Variants in ZNRF1 observed in about 807,000 individuals in gnomAD.
ZNRF1 encodes zinc and ring finger 1.
A neutral mutation model predicts 18.4 loss-of-function variants in ZNRF1; 3 were observed. The observed-to-expected ratio is 0.16, with a 90% CI of 0.07 to 0.42. The LOEUF is 0.42. Ranked by LOEUF, ZNRF1 falls within the 10% of genes least tolerant of loss-of-function variation. ZNRF1 has a pLI of 0.99. For synonymous variants in ZNRF1, 157 were observed against 144.2 expected (o/e 1.09, Z -0.64); for missense variants, 310 against 329.8 (o/e 0.94, Z 0.47).
intron 1 of ZNRF1, among the ~76,000 whole-genome samples, chr16:75,040,773 A>AT (rs1262290758): frequency 6.6e-6 from 1 of 151,178 alleles, no homozygotes; most frequent in Non-Finnish European, 1.5e-5. Flanking sequence ...TGCCCAGCTA[A>AT]TTTTTTGTAT....
chr16:75,015,560 A>G, intron 1 of ZNRF1, among the ~76,000 whole-genome samples: 1 of 152,096 alleles, frequency 6.6e-6, no homozygotes. Flanking sequence ...GGGCAACAAG[A>G]GTGAAATTCT....
chr16:75,036,782 T>C (rs1043946177), intron 1 of ZNRF1, among the ~76,000 whole-genome samples: 11 of 152,244 alleles, frequency 7.2e-5, no homozygotes, highest in Non-Finnish European at 1.6e-4. Context: ...GGTATATGTT[T>C]GTATGTATGT....
intron 1 of ZNRF1, 24 bp downstream of exon 1, chr16:75,000,119 C>T (rs374027044): frequency 4.2e-5 from 66 of 1,588,134 alleles, no homozygotes; most frequent in Non-Finnish European, 5.3e-5. Flanking sequence ...TGGTGGAGGC[C>T]TCGGAGGGAG....
At chr16:75,014,214 A>C (rs2035037080) in intron 1 of ZNRF1, among the ~76,000 whole-genome samples, 1 of 152,198 alleles carries the variant, frequency 6.6e-6, no homozygotes, top group Non-Finnish European at 1.5e-5. Context: ...ATAATAACTA[A>C]AACATTACAG....
intron 1 of ZNRF1, among the ~76,000 whole-genome samples, chr16:75,033,991 CAAA>C (rs71158573): frequency 4.1e-5 from 6 of 144,810 alleles, no homozygotes; most frequent in African/African-American, 2.5e-5. Context: ...TACTAAAATA[CAAA>C]AAAAAAAAAA....
intron 1 of ZNRF1, among the ~76,000 whole-genome samples, chr16:75,031,094 C>G (rs1165935793): frequency 6.6e-6 from 1 of 151,454 alleles, no homozygotes; most frequent in Non-Finnish European, 1.5e-5. Context: ...CCTCAGCCTC[C>G]CAAAGTGCTA....
Position 75,078,717 on chromosome 16 carries a change from A to C in ZNRF1, c.425-14855A>C, listed in dbSNP as rs544961759. Among the ~76,000 whole-genome samples, 4 of 152,352 alleles carry C rather than the reference A, an allele frequency of 2.6e-5. No individual in the cohort carries two copies. In the South Asian group the frequency reaches 8.3e-4, roughly 32 times the overall value. ...AATGTAAAGTTAGTCTTCAAGGTGA[A>C]AAGTCAAAATGAAGAAGGAATTGCC... On this transcript the variant is annotated intron_variant, in intron 1 of 4. Coordinates refer to ENST00000335325, the MANE Select transcript of ZNRF1 (RefSeq NM_032268.5).
intron 1 of ZNRF1, among the ~76,000 whole-genome samples, chr16:75,003,492 C>T (rs1397446047): frequency 6.6e-6 from 1 of 152,122 alleles, no homozygotes; most frequent in African/African-American, 2.4e-5. Context: ...ACTGTTCTCT[C>T]CCACCCCCAT....
At chr16:75,011,605 TTAG>T (rs2035001279) in intron 1 of ZNRF1, among the ~76,000 whole-genome samples, 1 of 152,202 alleles carries the variant, frequency 6.6e-6, no homozygotes, top group African/African-American at 2.4e-5. Context: ...TCCTATATTA[TTAG>T]ATTTCCTCAA....
At position 74,999,881 on chromosome 16, in the gene ZNRF1, C is replaced by T. The variant is rs1183151948; in HGVS notation, c.210C>T (p.Gly70=). 1 of 1,536,142 alleles carries T rather than the reference C, an allele frequency of 6.5e-7. No individual in the cohort carries two copies. The highest frequency in any genetic ancestry group is 8.7e-7 in the Non-Finnish European group (1 of 1,144,616). The change falls in exon 1 of 5, where the codon GGC becomes GGT. Residue 70 remains glycine, a synonymous_variant. Coordinates refer to ENST00000335325, the MANE Select transcript of ZNRF1 (RefSeq NM_032268.5). ...DPSTAGGVPF[G]LYTPASRGTG... ...GCACGGCCGGGGGGGTGCCCTTTGG[C>T]CTCTACACCCCCGCCTCCCGGGGCA...
chr16:75,050,395 G>C (rs906315370), intron 1 of ZNRF1, among the ~76,000 whole-genome samples: 4 of 151,732 alleles, frequency 2.6e-5, no homozygotes. Flanking sequence ...GCGTGGTGGT[G>C]CACACCTGTA....
intron 1 of ZNRF1, among the ~76,000 whole-genome samples, chr16:75,035,628 C>A (rs1030584272): frequency 7.2e-5 from 11 of 152,158 alleles, no homozygotes; most frequent in Admixed American, 6.5e-4. Context: ...GCCAAGTGGG[C>A]AACTTGAGAG....
intron 2 of ZNRF1, among the ~76,000 whole-genome samples, chr16:75,103,272 C>T (rs575063097): frequency 3.9e-5 from 6 of 152,222 alleles, no homozygotes; most frequent in South Asian, 4.1e-4. Context: ...GGATGGTGAG[C>T]GGGGTCACTT....
intron 1 of ZNRF1, among the ~76,000 whole-genome samples, chr16:75,089,628 C>G (rs571340504): frequency 6.6e-6 from 1 of 152,332 alleles, no homozygotes; most frequent in African/African-American, 2.4e-5. Context: ...GCAGAGAACC[C>G]TGAGGCTAGT....
chr16:75,056,681 C>T (rs1192642967), intron 1 of ZNRF1, among the ~76,000 whole-genome samples: 2 of 151,762 alleles, frequency 1.3e-5, no homozygotes, highest in Non-Finnish European at 2.9e-5. Flanking sequence ...GGCTGGAGTG[C>T]AATGTCATGA....
intron 1 of ZNRF1, among the ~76,000 whole-genome samples, chr16:75,024,487 G>A (rs2035195442): frequency 6.6e-6 from 1 of 152,234 alleles, no homozygotes; most frequent in African/African-American, 2.4e-5. Flanking sequence ...GGTAGTTTGT[G>A]TTGGAAAAGA....
At chr16:75,064,144 C>CA (rs57501639) in intron 1 of ZNRF1, among the ~76,000 whole-genome samples, 2,603 of 151,018 alleles carry the variant, frequency 0.017, 65 homozygotes, top group African/African-American at 0.056. Context: ...ACCAAAAATA[C>CA]AAAAAAAACA....
intron 1 of ZNRF1, among the ~76,000 whole-genome samples, chr16:75,061,982 C>T (rs2035749956): frequency 6.6e-6 from 1 of 152,158 alleles, no homozygotes; most frequent in South Asian, 2.1e-4. Context: ...TATTGTATTT[C>T]CCTTAAGGTA....
At chr16:75,107,105 G>A (rs1002390036) in intron 4 of ZNRF1, 1 of 167,618 alleles carries the variant, frequency 6.0e-6, no homozygotes, top group East Asian at 1.7e-4. Flanking sequence ...ATGAATCTGA[G>A]GCCTCCAGGC....
Sources: allele counts gnomAD v4.1 joint callset (sites outside exome capture counted in the v4.1 genomes callset), GRCh38; gene constraint gnomAD v4.1.1; transcripts MANE v1.5; gene names NCBI Gene and HGNC (gene_info 2026-07-23, HGNC 2026-07-21).